MOAP1: variants seen among roughly 807,000 people sequenced by gnomAD.
MOAP1 encodes modulator of apoptosis 1, also known as MAP1.
For synonymous variants in MOAP1, 150 were observed against 161.0 expected (o/e 0.93, Z 0.52); for missense variants, 385 against 418.6 (o/e 0.92, Z 0.70).
chr14:93,182,725 T>G lies in MOAP1; in HGVS notation c.*462A>C. The G allele has an allele frequency of 6.4e-6, 1 of 157,298 alleles. No homozygotes were observed. The highest frequency in any genetic ancestry group is 1.4e-5 in the Non-Finnish European group (1 of 71,162). The allele number at this position is 157,298 out of a possible 1,614,324, so 9.7% of individuals were successfully genotyped here. On this transcript the variant is annotated 3_prime_UTR_variant, in exon 3 of 3. Transcript: ENST00000298894. Reference sequence around the variant, plus strand: ...CAGGTGGATCACTTGAGGTCAGGAGTTCGAAACTAGCCTGGCCAACATGGT... The same window carrying G: ...CAGGTGGATCACTTGAGGTCAGGAGGTCGAAACTAGCCTGGCCAACATGGT...
chr14:93,183,638 T>C lies in MOAP1; in HGVS notation c.605A>G (p.Lys202Arg), dbSNP rs1893974949. Residue 202 changes from lysine to arginine, a missense_variant, in exon 3 of 3, where the codon AAG becomes AGG. Coordinates refer to ENST00000298894, the MANE Select transcript of MOAP1 (RefSeq NM_022151.5). ...IKAWQVPDVE[K>R]RRRLLESLRG... ...AAGGCTCTCTAGCAATCGCCTTCTC[T>C]TCTCTACATCTGGCACCTGCCACGC... is the stretch of plus-strand genomic sequence containing the variant. The C allele has an allele frequency of 6.2e-7, 1 of 1,614,114 alleles. No homozygotes were observed. The highest frequency in any genetic ancestry group is 8.5e-7 in the Non-Finnish European group (1 of 1,180,048).
rs529194647 is a variant in MOAP1, at chr14:93,183,445, C to T, written c.798G>A (p.Ser266=). 11 of 1,614,204 alleles carry T rather than the reference C, an allele frequency of 6.8e-6. No individual in the cohort carries two copies. The highest frequency in any genetic ancestry group is 2.7e-5 in the African/African-American group (2 of 75,048). The change falls in exon 3 of 3, where the codon TCG becomes TCA. Residue 266 remains serine, a synonymous_variant. Coordinates refer to ENST00000298894, the MANE Select transcript of MOAP1 (RefSeq NM_022151.5). ...AAGGCTCCAGCCTTAGTACATAAGC[C>T]GACAACTTTTCCTCATCCTTCTGGT... The part of the protein sequence containing the change: ...TTYQKDEEKL[S]AYVLRLEPLL...
In MOAP1 at chr14:93,183,705, C is replaced by T. The variant is rs1893976790; in HGVS notation, c.538G>A (p.Glu180Lys). 1.9e-6 allele frequency: 3 copies of T among 1,614,004 alleles called. No individual in the cohort carries two copies. Among genetic ancestry groups the T allele is most frequent in the African/African-American group, 1.3e-5 (1 of 74,928 alleles). The part of the protein sequence containing the change: ...GRESPEPGEE[E>K]FGRWMFHTTQ... Reference sequence around the variant, plus strand: ...GTATGAAACATCCAGCGTCCAAATTCTTCTTCTCCTGGTTCTGGAGACTCC... The same window carrying T: ...GTATGAAACATCCAGCGTCCAAATTTTTCTTCTCCTGGTTCTGGAGACTCC... The change falls in exon 3 of 3, where the codon GAA (glutamate) becomes AAA (lysine). Residue 180 changes from glutamate (E) to lysine (K), a missense_variant. Physicochemically the swap from Glu to Lys is moderately conservative, Grantham distance 56 (BLOSUM62 1). Coordinates refer to ENST00000298894, the MANE Select transcript of MOAP1 (RefSeq NM_022151.5).
chr14:93,183,321 G>A lies in MOAP1; in HGVS notation c.922C>T (p.Arg308Cys), dbSNP rs1893967924. The change falls in exon 3 of 3, where the codon CGC (arginine) becomes TGC (cysteine). Residue 308 changes from arginine (R) to cysteine (C), a missense_variant. Coordinates refer to ENST00000298894, the MANE Select transcript of MOAP1 (RefSeq NM_022151.5). ...VIAGAVHKTI[R>C]RELNLPEDGP... ...TCCTCTGGCAGATTAAGCTCTCTGC[G>A]AATTGTTTTGTGGACTGCCCCAGCA... 2.5e-6 allele frequency: 4 copies of A among 1,614,054 alleles called. No homozygotes were observed. The highest frequency in any genetic ancestry group is 1.3e-5 in the African/African-American group (1 of 74,906).
Position 93,183,880 on chromosome 14 carries a change from G to A in MOAP1, c.363C>T (p.Ser121=), listed in dbSNP as rs1893980794. ...AGEGMTVGEL[S]RALGHENGSL... ...AGCCATTTTCATGTCCAAGAGCTCTGCTCAACTCACCCACTGTCATGCCCT... is the reference window on the plus strand; with the variant it reads ...AGCCATTTTCATGTCCAAGAGCTCTACTCAACTCACCCACTGTCATGCCCT... The change falls in exon 3 of 3, where the codon AGC becomes AGT. Residue 121 remains serine, a synonymous_variant. Coordinates refer to ENST00000298894, the MANE Select transcript of MOAP1 (RefSeq NM_022151.5). 1.9e-6 allele frequency: 3 copies of A among 1,613,984 alleles called. No homozygotes were observed. Among genetic ancestry groups the A allele is most frequent in the Non-Finnish European group, 2.5e-6 (3 of 1,180,032 alleles).
chr14:93,183,031 A>G lies in MOAP1; in HGVS notation c.*156T>C. 2 of 1,039,282 alleles carry G rather than the reference A, an allele frequency of 1.9e-6. No homozygotes were observed. Among genetic ancestry groups the G allele is most frequent in the Non-Finnish European group, 2.7e-6 (2 of 747,582 alleles). 64.4% of individuals were successfully genotyped at this position (1,039,282 alleles called of 1,614,324 possible). A position where few individuals can be genotyped will look rare whatever the true frequency, so the allele number is the denominator to read the frequency against. Reference sequence around the variant, plus strand: ...CAATTACACCTTTAGGAGACTTTAAATAGGCACAGAAACGACAAAGGGCTT... The same window carrying G: ...CAATTACACCTTTAGGAGACTTTAAGTAGGCACAGAAACGACAAAGGGCTT... On this transcript the variant is annotated 3_prime_UTR_variant, in exon 3 of 3. Transcript: ENST00000298894.
Position 93,182,330 on chromosome 14 carries a change from TAACCAATCTCA to T in MOAP1, c.*846_*856del, listed in dbSNP as rs1893949347. The T allele has an allele frequency of 6.5e-6, 1 of 152,672 alleles. No individual in the cohort carries two copies. The highest frequency in any genetic ancestry group is 1.5e-5 in the Non-Finnish European group (1 of 68,046). 9.5% of individuals were successfully genotyped at this position (152,672 alleles called of 1,614,324 possible). ...TGGTTCAAGATGGTCATTGCAAACT[TAACCAATCTCA>T]GCATTCTATTCTGCCTTTTGTTTTG... is the stretch of plus-strand genomic sequence containing the variant. On this transcript the variant is annotated 3_prime_UTR_variant, in exon 3 of 3. Coordinates refer to ENST00000298894, the MANE Select transcript of MOAP1 (RefSeq NM_022151.5).
Position 93,183,955 on chromosome 14 carries a change from A to T in MOAP1, c.288T>A (p.Pro96=). 6.2e-7 allele frequency: 1 copy of T among 1,614,192 alleles called. No homozygotes were observed. Among genetic ancestry groups the T allele is most frequent in the Non-Finnish European group, 8.5e-7 (1 of 1,180,038 alleles). ...GGIWRVIFKP[P]DPDNTFLSRL... ...TGCTTAAAAATGTATTATCTGGGTC[A>T]GGGGGCTTAAAGATCACTCTCCAGA... The change falls in exon 3 of 3, where the codon CCT becomes CCA. Residue 96 remains proline, a synonymous_variant. Transcript: ENST00000298894.
Position 93,183,743 on chromosome 14 carries a change from ACT to A in MOAP1, c.498_499del (p.Arg166SerfsTer50). The A allele has an allele frequency of 6.2e-7, 1 of 1,613,992 alleles. No individual in the cohort carries two copies. The highest frequency in any genetic ancestry group is 2.2e-5 in the East Asian group (1 of 44,868). On this transcript the variant is annotated frameshift_variant, in exon 3 of 3. Coordinates refer to ENST00000298894, the MANE Select transcript of MOAP1 (RefSeq NM_022151.5). LOFTEE classifies it low-confidence loss of function (END_TRUNC). ...TTCTGGAGACTCCCTGCCCGAGAAC[ACT>A]CTCAGCTTTTTATACTTCAAGCATT...
In MOAP1 at chr14:93,183,739, G is replaced by A; in HGVS notation, c.504C>T (p.Phe168=). 1.2e-6 allele frequency: 2 copies of A among 1,614,078 alleles called. No individual in the cohort carries two copies. The highest frequency in any genetic ancestry group is 1.7e-6 in the Non-Finnish European group (2 of 1,180,020). Residue 168 remains phenylalanine (F), a synonymous_variant, in exon 3 of 3, where the codon TTC becomes TTT. Transcript: ENST00000298894. ...CTGGTTCTGGAGACTCCCTGCCCGAGAACACTCTCAGCTTTTTATACTTCA... is the reference window on the plus strand; with the variant it reads ...CTGGTTCTGGAGACTCCCTGCCCGAAAACACTCTCAGCTTTTTATACTTCA... The part of the protein sequence containing the change: ...QCLKYKKLRV[F]SGRESPEPGE...
At position 93,184,049 on chromosome 14, in the gene MOAP1, G is replaced by T. The variant is rs576332357; in HGVS notation, c.194C>A (p.Ala65Asp). The T allele has an allele frequency of 1.1e-5, 17 of 1,613,912 alleles. No individual in the cohort carries two copies. The African/African-American group carries it at 2.0e-4, about 19-fold the overall frequency. The change falls in exon 3 of 3, where the codon GCC becomes GAC. Residue 65 changes from alanine to aspartate, a missense_variant. Transcript: ENST00000298894. The surrounding 1 kb of genome is among the most constrained non-coding windows in gnomAD (Gnocchi z 4.2). ...AGTCTCCGCAGTAAGCCCTACTAAGGCTACTTTCCTGTTCTCATCCCTCCT... is the reference window on the plus strand; with the variant it reads ...AGTCTCCGCAGTAAGCCCTACTAAGTCTACTTTCCTGTTCTCATCCCTCCT... ...MFRRDENRKV[A>D]LVGLTAETSH...
At position 93,183,287 on chromosome 14, in the gene MOAP1, G is replaced by A; in HGVS notation, c.956C>T (p.Ala319Val). The A allele has an allele frequency of 1.2e-6, 2 of 1,614,120 alleles. No homozygotes were observed. The highest frequency in any genetic ancestry group is 1.7e-6 in the Non-Finnish European group (2 of 1,180,026). Residue 319 changes from alanine to valine, a missense_variant, in exon 3 of 3, where the codon GCC becomes GTC. Coordinates refer to ENST00000298894, the MANE Select transcript of MOAP1 (RefSeq NM_022151.5). ...TACCAATAACTGCAAGAAACCAGGG[G>A]CTGGGCCATCCTCTGGCAGATTAAG... ...RELNLPEDGPAPGFLQLLVLI... is the reference protein window; with the variant it reads ...RELNLPEDGPVPGFLQLLVLI...
Position 93,184,338 on chromosome 14 carries a change from T to C in MOAP1, c.-96A>G. 1.5e-6 allele frequency: 1 copy of C among 679,030 alleles called. No homozygotes were observed. The allele number at this position is 679,030 out of a possible 1,614,324, so 42.1% of individuals were successfully genotyped here. A position where few individuals can be genotyped will look rare whatever the true frequency, so the allele number is the denominator to read the frequency against. On this transcript the variant is annotated 5_prime_UTR_variant, in exon 3 of 3. Coordinates refer to ENST00000298894, the MANE Select transcript of MOAP1 (RefSeq NM_022151.5). The surrounding 1 kb of genome is among the most constrained non-coding windows in gnomAD (Gnocchi z 4.2). ...CCTCCGCGGTACCCCAGAGAAATCT[T>C]GTCAACGTGCCGAGGTCCAGCAGCC... is the stretch of plus-strand genomic sequence containing the variant.
rs1355725224 is a variant in MOAP1 at position 93,183,296 on chromosome 14, T to C, written c.947A>G (p.Asp316Gly). The C allele has an allele frequency of 2.5e-6, 4 of 1,614,148 alleles. No individual in the cohort carries two copies. The highest frequency in any genetic ancestry group is 1.1e-5 in the South Asian group (1 of 91,084). The change falls in exon 3 of 3, where the codon GAT (aspartate) becomes GGT (glycine). Residue 316 changes from aspartate to glycine, a missense_variant. Transcript: ENST00000298894. ...TIRRELNLPE[D>G]GPAPGFLQLL... is the part of the protein sequence containing the mutation. ...CTGCAAGAAACCAGGGGCTGGGCCA[T>C]CCTCTGGCAGATTAAGCTCTCTGCG...
Position 93,183,306 on chromosome 14 carries a change from G to A in MOAP1, c.937C>T (p.Leu313=). Reference sequence around the variant, plus strand: ...CCAGGGGCTGGGCCATCCTCTGGCAGATTAAGCTCTCTGCGAATTGTTTTG... The same window carrying A: ...CCAGGGGCTGGGCCATCCTCTGGCAAATTAAGCTCTCTGCGAATTGTTTTG... The part of the protein sequence containing the change: ...VHKTIRRELN[L]PEDGPAPGFL... Residue 313 remains leucine (L), a synonymous_variant, in exon 3 of 3, where the codon CTG becomes TTG. Coordinates refer to ENST00000298894, the MANE Select transcript of MOAP1 (RefSeq NM_022151.5). The A allele has an allele frequency of 2.5e-6, 4 of 1,614,178 alleles. No homozygotes were observed. Among genetic ancestry groups the A allele is most frequent in the Non-Finnish European group, 3.4e-6 (4 of 1,180,032 alleles).
At position 93,183,583 on chromosome 14, in the gene MOAP1, G is replaced by A. The variant is rs746121546; in HGVS notation, c.660C>T (p.Val220=). The A allele has an allele frequency of 1.9e-6, 3 of 1,614,174 alleles. No individual in the cohort carries two copies. Among genetic ancestry groups the A allele is most frequent in the Non-Finnish European group, 2.5e-6 (3 of 1,180,042 alleles). ...TAATTAAAGGATTGTTTATCTTGAG[G>A]ACACGAATAACATCAAGTGCTGGGC... is the stretch of plus-strand genomic sequence containing the variant. The part of the protein sequence containing the change: ...LRGPALDVIR[V]LKINNPLITV... Residue 220 remains valine (V), a synonymous_variant, in exon 3 of 3, where the codon GTC becomes GTT. Transcript: ENST00000298894.
In MOAP1 at chr14:93,183,657, G is replaced by A. The variant is rs1327418206; in HGVS notation, c.586C>T (p.Gln196Ter). The A allele has an allele frequency of 1.2e-6, 2 of 1,614,016 alleles. No homozygotes were observed. Among genetic ancestry groups the A allele is most frequent in the African/African-American group, 2.7e-5 (2 of 74,910 alleles). The change falls in exon 3 of 3, where the codon CAG becomes TAG. Residue 196 changes from glutamine to a stop codon, truncating the protein, a stop_gained. Coordinates refer to ENST00000298894, the MANE Select transcript of MOAP1 (RefSeq NM_022151.5). LOFTEE classifies it low-confidence loss of function (END_TRUNC). Reference sequence around the variant, plus strand: ...CTTCTCTTCTCTACATCTGGCACCTGCCACGCCTTTATCATCTGAGTAGTA... The same window carrying A: ...CTTCTCTTCTCTACATCTGGCACCTACCACGCCTTTATCATCTGAGTAGTA... The part of the protein sequence containing the change: ...FHTTQMIKAW[Q>*]VPDVEKRRRL...
chr14:93,183,242 G>A lies in MOAP1; in HGVS notation c.1001C>T (p.Ala334Val), dbSNP rs144157769. The A allele has an allele frequency of 3.1e-6, 5 of 1,613,120 alleles. No homozygotes were observed. Among genetic ancestry groups the A allele is most frequent in the Non-Finnish European group, 4.2e-6 (5 of 1,179,660 alleles). Residue 334 changes from alanine to valine, a missense_variant, in exon 3 of 3, where the codon GCA (alanine) becomes GTA (valine). Coordinates refer to ENST00000298894, the MANE Select transcript of MOAP1 (RefSeq NM_022151.5). ...QLLVLIKDYE[A>V]AEEEEALLQA... Reference sequence around the variant, plus strand: ...GAGAAGGGCCTCCTCCTCCTCAGCTGCCTCATAATCCTTTATTAGTACCAA... The same window carrying A: ...GAGAAGGGCCTCCTCCTCCTCAGCTACCTCATAATCCTTTATTAGTACCAA...
In MOAP1 at chr14:93,183,171, C is replaced by T; in HGVS notation, c.*16G>A. 1.3e-6 allele frequency: 2 copies of T among 1,584,072 alleles called. No individual in the cohort carries two copies. The highest frequency in any genetic ancestry group is 1.7e-6 in the Non-Finnish European group (2 of 1,165,678). On this transcript the variant is annotated 3_prime_UTR_variant, in exon 3 of 3. Transcript: ENST00000298894. ...TGCTCTACTCATTGCCATATCCCTT[C>T]GTGGTTCCCTGAGACTCAGGTGAAA...
Sources: gnomAD v4.1 joint callset for allele counts on GRCh38, gnomAD v4.1.1 for gene constraint, Gnocchi (gnomAD v3.1) non-coding constraint, MANE v1.5 for transcripts, NCBI Gene and HGNC (gene_info 2026-07-23, HGNC 2026-07-21) for gene names.